Variants in RIMS1 observed in about 807,000 individuals in gnomAD.
RIMS1 encodes the protein regulating synaptic membrane exocytosis protein 1.
A neutral mutation model predicts 214.1 loss-of-function variants in RIMS1; 83 were observed. That is an observed-to-expected ratio of 0.39 (90% CI 0.32 to 0.47). RIMS1 has a LOEUF of 0.47. Among genes scored for constraint, RIMS1 ranks in the 20% least tolerant of loss-of-function variants. The pLI, the probability that RIMS1 is intolerant of heterozygous loss-of-function variation, is 0.99. For synonymous variants in RIMS1, 793 were observed against 786.8 expected, an observed-to-expected ratio of 1.01 and a Z score of -0.13; for missense variants, 2,050 against 2,161.8, an observed-to-expected ratio of 0.95 and a Z score of 1.03.
intron 29 of RIMS1, among the ~76,000 whole-genome samples, chr6:72,346,918 A>G (rs2097284734): frequency 6.6e-6 from 1 of 151,804 alleles, no homozygotes; most frequent in African/African-American, 2.4e-5. Flanking sequence ...TAAGGAGAAC[A>G]TTCCTTAAGG....
At chr6:72,063,456 A>G (rs1346228213) in intron 2 of RIMS1, among the ~76,000 whole-genome samples, 1 of 152,240 alleles carries the variant, frequency 6.6e-6, no homozygotes. Context: ...GGAAATACAA[A>G]GCAAGTTAAA....
intron 6 of RIMS1, among the ~76,000 whole-genome samples, chr6:72,189,946 A>G (rs2049784488): frequency 6.6e-6 from 1 of 152,338 alleles, no homozygotes; most frequent in Admixed American, 6.5e-5. Flanking sequence ...AGTTCCATCC[A>G]CGTACCTCTT....
chr6:72,153,953 A>G (rs1288417322), intron 4 of RIMS1, among the ~76,000 whole-genome samples: 3 of 152,212 alleles, frequency 2.0e-5, no homozygotes, highest in African/African-American at 7.2e-5. Context: ...AGCTAGGTAT[A>G]AAAATGCAGG....
chr6:72,091,655 G>A (rs940775522), intron 2 of RIMS1, among the ~76,000 whole-genome samples: 1 of 151,834 alleles, frequency 6.6e-6, no homozygotes, highest in African/African-American at 2.4e-5. Context: ...TGAATTGAAT[G>A]TACAATTATT....
chr6:72,116,792 A>G (rs1048830264), intron 4 of RIMS1, among the ~76,000 whole-genome samples: 1 of 152,038 alleles, frequency 6.6e-6, no homozygotes, highest in Non-Finnish European at 1.5e-5. Context: ...TTCTCTCACC[A>G]TTAAAATATA....
intron 4 of RIMS1, among the ~76,000 whole-genome samples, chr6:72,133,007 AAATTGAGTCACAGCAC>A (rs1332580821): frequency 1.3e-5 from 2 of 152,144 alleles, no homozygotes; most frequent in African/African-American, 4.8e-5. Flanking sequence ...ACAAATGAGA[AAATTGAGTCACAGCAC>A]AATTGCTCCA....
intron 2 of RIMS1, among the ~76,000 whole-genome samples, chr6:72,092,563 C>T (rs958011017): frequency 6.6e-6 from 1 of 152,060 alleles, no homozygotes; most frequent in South Asian, 2.1e-4. Flanking sequence ...TAAACAAGAC[C>T]TGCTGCTGAA....
At chr6:71,982,339 A>G (rs548057130) in intron 2 of RIMS1, among the ~76,000 whole-genome samples, 2 of 152,238 alleles carry the variant, frequency 1.3e-5, no homozygotes, top group East Asian at 1.9e-4. Flanking sequence ...TTTGAGTTCT[A>G]TTTCAGGGTG....
chr6:71,991,264 A>T (rs1040599478), intron 2 of RIMS1, among the ~76,000 whole-genome samples: 9 of 142,128 alleles, frequency 6.3e-5, no homozygotes, highest in African/African-American at 2.2e-4. Flanking sequence ...CTTTTTAATT[A>T]AAAAAAAAAA....
At chr6:72,399,135 G>A (rs1326985527) in intron 33 of RIMS1, 41 bp downstream of exon 33, 1 of 1,506,628 alleles carries the variant, frequency 6.6e-7, no homozygotes, top group South Asian at 1.5e-5. Context: ...TGAAATGTCT[G>A]TTTTACCCAT....
intron 2 of RIMS1, among the ~76,000 whole-genome samples, chr6:72,052,185 G>A (rs1462727929): frequency 6.6e-6 from 1 of 152,220 alleles, no homozygotes. Context: ...CAAGATGAGT[G>A]TGTAGTCCTC....
chr6:72,213,199 T>C (rs1186306104), intron 6 of RIMS1: 5 of 1,536,640 alleles, frequency 3.3e-6, no homozygotes, highest in East Asian at 4.9e-5. Flanking sequence ...GAGGGAACAA[T>C]TGAAGCTCGA....
chr6:72,051,590 G>C (rs1824684028), intron 2 of RIMS1, among the ~76,000 whole-genome samples: 3 of 152,128 alleles, frequency 2.0e-5, no homozygotes, highest in Admixed American at 2.0e-4. Flanking sequence ...GTAGGGTGTG[G>C]CTCTTAGAGG....
At chr6:71,960,253 A>T (rs1166995332) in intron 1 of RIMS1, among the ~76,000 whole-genome samples, 1 of 152,036 alleles carries the variant, frequency 6.6e-6, no homozygotes, top group Non-Finnish European at 1.5e-5. Flanking sequence ...CTTATGATGG[A>T]GAGACTACAC....
chr6:72,287,855 G>A (rs1185653084), intron 24 of RIMS1, among the ~76,000 whole-genome samples: 1 of 152,138 alleles, frequency 6.6e-6, no homozygotes, highest in Non-Finnish European at 1.5e-5. Context: ...GCCTCCCATA[G>A]TGGCATGAGC....
intron 6 of RIMS1, chr6:72,213,197 A>T: frequency 6.5e-7 from 1 of 1,536,752 alleles, no homozygotes; most frequent in Admixed American, 2.0e-5. Context: ...AAGAGGGAAC[A>T]ATTGAAGCTC....
intron 2 of RIMS1, among the ~76,000 whole-genome samples, chr6:72,020,323 C>T (rs142119414): frequency 6.6e-6 from 1 of 152,260 alleles, no homozygotes; most frequent in African/African-American, 2.4e-5. Context: ...GCACAATAGC[C>T]GAAGTAAACC....
At chr6:71,995,451 CGTGTGTGTGTGTGT>C (rs59174738) in intron 2 of RIMS1, among the ~76,000 whole-genome samples, 17 of 144,400 alleles carry the variant, frequency 1.2e-4, no homozygotes, top group African/African-American at 4.4e-4. Flanking sequence ...TGTAATATGA[CGTGTGTGTGTGTGT>C]GTGTGTGTGT....
chr6:72,371,866 T>C (rs966966684), intron 29 of RIMS1, among the ~76,000 whole-genome samples: 3 of 152,146 alleles, frequency 2.0e-5, no homozygotes, highest in Non-Finnish European at 4.4e-5. Flanking sequence ...CTCAGCAAAA[T>C]AATTTAACCT....
Sources: allele counts gnomAD v4.1 joint callset (sites outside exome capture counted in the v4.1 genomes callset), GRCh38; gene constraint gnomAD v4.1.1; transcripts MANE v1.5; gene names NCBI Gene and HGNC (gene_info 2026-07-23, HGNC 2026-07-21).